ATP2B4: variants seen among roughly 807,000 people sequenced by gnomAD.
ATP2B4 encodes ATPase plasma membrane Ca2+ transporting 4, also known as plasma membrane calcium-transporting ATPase 4.
ATP2B4 carries 39 observed loss-of-function variants against 110.3 expected under a neutral mutation model. The observed-to-expected ratio is 0.35, with a 90% confidence interval of 0.27 to 0.46. ATP2B4 has a LOEUF of 0.46. Among genes scored for constraint, ATP2B4 ranks in the 20% least tolerant of loss-of-function variants. ATP2B4 has a pLI of 1.00. For synonymous variants in ATP2B4, 538 were observed against 571.7 expected (o/e 0.94, Z 0.84); for missense variants, 1,135 against 1,530.9 (o/e 0.74, Z 4.32).
At chr1:203,700,398 C>T in intron 5 of ATP2B4, 67 bp downstream of exon 5, 1 of 1,542,772 alleles carries the variant, frequency 6.5e-7, no homozygotes, top group Non-Finnish European at 8.8e-7. Flanking sequence ...AGGATCCAGA[C>T]CCTGTTCTCT....
intron 20 of ATP2B4, chr1:203,728,311 T>G: frequency 2.6e-6 from 1 of 385,706 alleles, no homozygotes; most frequent in South Asian, 2.0e-5. Flanking sequence ...TTTTCCACTT[T>G]CCATGCATCA....
chr1:203,686,506 G>C, intron 2 of ATP2B4, among the ~76,000 whole-genome samples: 1 of 151,914 alleles, frequency 6.6e-6, no homozygotes. Flanking sequence ...CATAGCTAAT[G>C]CTCTTGGATC....
At chr1:203,721,739 T>C (rs1391401454) in intron 17 of ATP2B4, among the ~76,000 whole-genome samples, 1 of 148,280 alleles carries the variant, frequency 6.7e-6, no homozygotes, top group Non-Finnish European at 1.5e-5. Context: ...CTCGGGTCAC[T>C]GCAACGTCTG....
At chr1:203,729,025 G>C (rs1330845294) in intron 20 of ATP2B4, among the ~76,000 whole-genome samples, 2 of 152,030 alleles carry the variant, frequency 1.3e-5, no homozygotes, top group Middle Eastern at 3.2e-3. Flanking sequence ...GGCTGAGGCA[G>C]GAAAATCGCT....
intron 1 of ATP2B4, among the ~76,000 whole-genome samples, chr1:203,644,977 A>G (rs1663749604): frequency 6.6e-6 from 1 of 152,038 alleles, no homozygotes; most frequent in East Asian, 1.9e-4. Context: ...AATGGTGGTG[A>G]TTCTCTTTTT....
At chr1:203,673,958 A>G (rs535824083) in intron 1 of ATP2B4, among the ~76,000 whole-genome samples, 140 of 152,200 alleles carry the variant, frequency 9.2e-4, no homozygotes, top group Non-Finnish European at 1.7e-3. Context: ...CTAGGATCCG[A>G]TCCAGCTGCT....
chr1:203,733,550 T>C (rs1666796092), intron 20 of ATP2B4: 4 of 732,854 alleles, frequency 5.5e-6, no homozygotes, highest in Middle Eastern at 3.8e-4. Context: ...AAAATCCTAC[T>C]CTAAAACCAG....
intron 20 of ATP2B4, among the ~76,000 whole-genome samples, chr1:203,735,233 G>A (rs913561689): frequency 2.6e-5 from 4 of 152,138 alleles, no homozygotes; most frequent in South Asian, 2.1e-4. Flanking sequence ...TTTCTCAGCC[G>A]GACTTGCAAT....
chr1:203,739,324 G>A (rs138551058), intron 20 of ATP2B4, among the ~76,000 whole-genome samples: 1 of 151,788 alleles, frequency 6.6e-6, no homozygotes, highest in African/African-American at 2.4e-5. Context: ...AAACGTCCTA[G>A]TTGCCGTCAC....
intron 2 of ATP2B4, among the ~76,000 whole-genome samples, chr1:203,688,654 T>C (rs2102370158): frequency 6.6e-6 from 1 of 152,122 alleles, no homozygotes; most frequent in South Asian, 2.1e-4. Flanking sequence ...CATTAGCTAG[T>C]TAGAGTAAGA....
rs145503539 is a variant in ATP2B4, at chr1:203,696,204, G to A, written c.194-1953G>A. The stretch of plus-strand genomic sequence containing the variant: ...GGCCTCCCAAAGTGCTGGGATTACA[G>A]GCATGAGCCACCACGCCCGGCCCAC... On this transcript the variant is annotated intron_variant, in intron 2 of 20. Coordinates refer to ENST00000357681, the MANE Select transcript of ATP2B4 (RefSeq NM_001684.5). 9.8e-5 allele frequency among the ~76,000 whole-genome samples: 15 copies of A among 152,304 alleles called. No individual in the cohort carries two copies. The East Asian group carries it at 2.5e-3, about 25-fold the overall frequency.
intron 8 of ATP2B4, among the ~76,000 whole-genome samples, chr1:203,704,733 G>A (rs1665800959): frequency 6.6e-6 from 1 of 151,990 alleles, no homozygotes; most frequent in East Asian, 1.9e-4. Context: ...CGCCCACCTC[G>A]GCCTCTCAAA....
intron 20 of ATP2B4, chr1:203,733,324 A>T (rs1305493768): frequency 6.2e-7 from 1 of 1,614,030 alleles, no homozygotes; most frequent in East Asian, 2.2e-5. Flanking sequence ...TTCCTAGTTC[A>T]TCCTATGTAG....
chr1:203,684,029 T>C (rs1026968492), intron 2 of ATP2B4, among the ~76,000 whole-genome samples: 1 of 152,170 alleles, frequency 6.6e-6, no homozygotes, highest in African/African-American at 2.4e-5. Context: ...GATATTTATT[T>C]TTAAAATGTT....
At chr1:203,638,580 G>A (rs543340212) in intron 1 of ATP2B4, among the ~76,000 whole-genome samples, 38 of 152,220 alleles carry the variant, frequency 2.5e-4, no homozygotes, top group African/African-American at 7.2e-4. Context: ...CTGGCACCTC[G>A]AGACTTGCCC....
chr1:203,663,857 G>T (rs1488935294), intron 1 of ATP2B4, among the ~76,000 whole-genome samples: 1 of 152,130 alleles, frequency 6.6e-6, no homozygotes, highest in African/African-American at 2.4e-5. Context: ...TCCTGCCTCG[G>T]CCTCCTGAGT....
At chr1:203,634,475 GTGAGACACAGTGCCAGAC>G (rs1663375808) in intron 1 of ATP2B4, among the ~76,000 whole-genome samples, 1 of 152,104 alleles carries the variant, frequency 6.6e-6, no homozygotes, top group African/African-American at 2.4e-5. Flanking sequence ...AGGATAATGG[GTGAGACACAGTGCCAGAC>G]TGGAACTTTA....
intron 2 of ATP2B4, among the ~76,000 whole-genome samples, chr1:203,684,441 C>T (rs1039314451): frequency 3.3e-5 from 5 of 151,526 alleles, no homozygotes; most frequent in Admixed American, 2.0e-4. Context: ...CTGCAACCTC[C>T]GCCTCCCAGG....
intron 1 of ATP2B4, among the ~76,000 whole-genome samples, chr1:203,672,493 C>T (rs1018629317): frequency 3.9e-5 from 6 of 152,108 alleles, no homozygotes; most frequent in African/African-American, 1.2e-4. Flanking sequence ...CAACCTAAAG[C>T]GACTGTTTAT....
Sources: gnomAD v4.1 joint callset for allele counts (sites outside exome capture counted in the v4.1 genomes callset) on GRCh38, gnomAD v4.1.1 for gene constraint, MANE v1.5 for transcripts, NCBI Gene and HGNC (gene_info 2026-07-23, HGNC 2026-07-21) for gene names.